The following GALNT13 variants were observed in gnomAD, a reference collection of about 807,000 sequenced individuals.
GALNT13 encodes UDP-GalNAc:polypeptide N-acetylgalactosaminyltransferase 13.
A neutral mutation model predicts 64.2 loss-of-function variants in GALNT13; 28 were observed. That is an observed-to-expected ratio of 0.44 (90% CI 0.32 to 0.60). The LOEUF (loss-of-function observed/expected upper bound fraction) is 0.60, where lower values mean the gene tolerates loss of function less well. Ranked by LOEUF, GALNT13 falls within the 20% of genes least tolerant of loss-of-function variation. GALNT13 has a pLI of 0.05. For synonymous variants in GALNT13, 214 were observed against 224.6 expected (o/e 0.95, Z 0.42); for missense variants, 577 against 669.8 (o/e 0.86, Z 1.53).
chr2:153,938,876 G>A (rs1273657971), intron 2 of GALNT13, among the ~76,000 whole-genome samples: 1 of 152,032 alleles, frequency 6.6e-6, no homozygotes, highest in African/African-American at 2.4e-5. Flanking sequence ...AAGATACTAG[G>A]GGTTAGGACT....
At chr2:153,811,377 AGCTTTACCTCTGTTTACTGGTT>A in the GALNT13 span, among the ~76,000 whole-genome samples, 2 of 152,190 alleles carry the variant, frequency 1.3e-5, no homozygotes, top group Non-Finnish European at 2.9e-5. Flanking sequence ...AACACTGATT[AGCTTTACCTCTGTTTACTGGTT>A]GCTGAGAAAC....
chr2:153,348,999 T>C, the GALNT13 span, among the ~76,000 whole-genome samples: 1 of 152,170 alleles, frequency 6.6e-6, no homozygotes, highest in African/African-American at 2.4e-5. Flanking sequence ...GACAAAACAT[T>C]ATCTTAAAAC....
At chr2:153,265,317 A>G in the GALNT13 span, among the ~76,000 whole-genome samples, 1 of 152,104 alleles carries the variant, frequency 6.6e-6, no homozygotes, top group Non-Finnish European at 1.5e-5. Flanking sequence ...CCTTTATCTC[A>G]TGGTCGTGTG....
At chr2:153,594,471 T>G in the GALNT13 span, among the ~76,000 whole-genome samples, 1 of 152,148 alleles carries the variant, frequency 6.6e-6, no homozygotes, top group African/African-American at 2.4e-5. Flanking sequence ...AATCATGATC[T>G]CCCTTTCACT....
At chr2:153,094,618 T>A in the GALNT13 span, among the ~76,000 whole-genome samples, 1 of 152,262 alleles carries the variant, frequency 6.6e-6, no homozygotes, top group African/African-American at 2.4e-5. Context: ...GGAGGCATCA[T>A]GCTACCTGAC....
At chr2:154,396,574 A>T (rs916114970) in intron 10 of GALNT13, among the ~76,000 whole-genome samples, 1 of 152,192 alleles carries the variant, frequency 6.6e-6, no homozygotes, top group Non-Finnish European at 1.5e-5. Flanking sequence ...TCCAAGCAAA[A>T]TCAAGTAATG....
chr2:153,895,383 T>C (rs1256128421), intron 1 of GALNT13, among the ~76,000 whole-genome samples: 1 of 152,180 alleles, frequency 6.6e-6, no homozygotes, highest in African/African-American at 2.4e-5. Context: ...TTTCTTTTTT[T>C]AGCTCAACAA....
At chr2:154,396,445 T>G (rs1011478682) in intron 10 of GALNT13, among the ~76,000 whole-genome samples, 1 of 152,182 alleles carries the variant, frequency 6.6e-6, no homozygotes, top group Non-Finnish European at 1.5e-5. Context: ...TATTAATATT[T>G]ACTGTATTTA....
chr2:153,433,180 A>G, the GALNT13 span, among the ~76,000 whole-genome samples: 1 of 152,204 alleles, frequency 6.6e-6, no homozygotes, highest in Admixed American at 6.5e-5. Context: ...TTGTAAAAAT[A>G]AAAAGTCTCA....
At chr2:153,335,460 G>C in the GALNT13 span, among the ~76,000 whole-genome samples, 1 of 152,324 alleles carries the variant, frequency 6.6e-6, no homozygotes, top group East Asian at 1.9e-4. Flanking sequence ...TGAGGAACTT[G>C]TTGGGAACTG....
At chr2:153,234,585 C>A in the GALNT13 span, among the ~76,000 whole-genome samples, 1 of 151,952 alleles carries the variant, frequency 6.6e-6, no homozygotes, top group Non-Finnish European at 1.5e-5. Flanking sequence ...AATTTAAATC[C>A]CCAAGAATTA....
At chr2:154,206,555 GA>G in intron 4 of GALNT13, among the ~76,000 whole-genome samples, 1 of 152,014 alleles carries the variant, frequency 6.6e-6, no homozygotes, top group South Asian at 2.1e-4. Flanking sequence ...AGCACTTTGG[GA>G]GGCCAAAGCA....
chr2:153,539,348 T>C, the GALNT13 span, among the ~76,000 whole-genome samples: 1 of 152,014 alleles, frequency 6.6e-6, no homozygotes, highest in South Asian at 2.1e-4. Context: ...AGGTTGCCTG[T>C]TCACTCTGAT....
At chr2:154,282,378 C>G (rs1283859112) in intron 8 of GALNT13, among the ~76,000 whole-genome samples, 4 of 152,114 alleles carry the variant, frequency 2.6e-5, no homozygotes, top group African/African-American at 7.2e-5. Flanking sequence ...TTTAATACAA[C>G]TAAAGTAAAA....
the GALNT13 span, among the ~76,000 whole-genome samples, chr2:153,603,003 A>G: frequency 6.6e-6 from 1 of 151,910 alleles, no homozygotes; most frequent in Non-Finnish European, 1.5e-5. Context: ...TTTTAACAAC[A>G]GTATATATTG....
intron 8 of GALNT13, among the ~76,000 whole-genome samples, chr2:154,287,937 G>A (rs535675466): frequency 2.6e-5 from 4 of 152,082 alleles, no homozygotes; most frequent in Non-Finnish European, 4.4e-5. Flanking sequence ...TAGTATAGCC[G>A]GAGATTCTAG....
the GALNT13 span, among the ~76,000 whole-genome samples, chr2:153,158,345 A>T: frequency 6.6e-6 from 1 of 152,210 alleles, no homozygotes; most frequent in Non-Finnish European, 1.5e-5. Flanking sequence ...TAGTAAATTA[A>T]ATAGTGAAAT....
At chr2:154,388,221 G>A (rs921148380) in intron 9 of GALNT13, among the ~76,000 whole-genome samples, 1 of 152,114 alleles carries the variant, frequency 6.6e-6, no homozygotes, top group Non-Finnish European at 1.5e-5. Flanking sequence ...GTCTTCTTTT[G>A]AGAAATGTTT....
the GALNT13 span, among the ~76,000 whole-genome samples, chr2:153,467,136 A>G: frequency 6.6e-6 from 1 of 152,086 alleles, no homozygotes. Context: ...TTTAAGCAAC[A>G]TGATATATGT....
Sources: allele counts gnomAD v4.1 joint callset (sites outside exome capture counted in the v4.1 genomes callset), GRCh38; gene constraint gnomAD v4.1.1; transcripts MANE v1.5; gene names NCBI Gene and HGNC (gene_info 2026-07-23, HGNC 2026-07-21).